NCAPG2: variants seen among roughly 807,000 people sequenced by gnomAD.
NCAPG2 encodes non-SMC condensin II complex subunit G2.
Under a neutral mutation model 141.1 loss-of-function variants are expected in NCAPG2, and 53 were observed. That is an observed-to-expected ratio of 0.38 (90% confidence interval 0.30 to 0.47). NCAPG2 has a LOEUF of 0.47. Ranked by LOEUF, NCAPG2 falls within the 20% of genes least tolerant of loss-of-function variation. The pLI, the probability that NCAPG2 is intolerant of heterozygous loss-of-function variation, is 0.99. For synonymous variants in NCAPG2, 499 were observed against 490.7 expected, an observed-to-expected ratio of 1.02 and a Z score of -0.22; for missense variants, 1,087 against 1,389.0, an observed-to-expected ratio of 0.78 and a Z score of 3.46.
At chr7:158,651,043 TA>T in intron 23 of NCAPG2, 71 bp from the exon 24 acceptor site, 1 of 1,437,762 alleles carries the variant, frequency 7.0e-7, no homozygotes, top group Non-Finnish European at 9.3e-7. Flanking sequence ...AAAAACACTT[TA>T]AAATAAGTAT....
chr7:158,675,720 T>A, intron 11 of NCAPG2, 64 bp from the exon 12 acceptor site: 1 of 1,517,932 alleles, frequency 6.6e-7, no homozygotes, highest in Non-Finnish European at 9.0e-7. Flanking sequence ...CACATCTGCT[T>A]CACACGTGAG....
At position 158,664,183 on chromosome 7, in the gene NCAPG2, C is replaced by T; in HGVS notation, c.1815+1G>A. 6.3e-7 allele frequency: 1 copy of T among 1,599,594 alleles called. No homozygotes were observed. Among genetic ancestry groups the T allele is most frequent in the East Asian group, 2.2e-5 (1 of 44,804 alleles). On this transcript the variant is annotated splice_donor_variant, in intron 15 of 27. Coordinates refer to ENST00000356309, the MANE Select transcript of NCAPG2 (RefSeq NM_017760.7). LOFTEE classifies it high-confidence loss of function. ...GCCCGGCCTGGCCCTGTTCTACTCACAGTCACATTCTCCTTCTCCCTTCCG... is the reference window on the plus strand; with the variant it reads ...GCCCGGCCTGGCCCTGTTCTACTCATAGTCACATTCTCCTTCTCCCTTCCG...
At chr7:158,702,231 C>G in intron 1 of NCAPG2, 1 of 210,562 alleles carries the variant, frequency 4.7e-6, no homozygotes, top group Non-Finnish European at 9.4e-6. Flanking sequence ...TCACCACCAT[C>G]TCTCCCTTTT....
At chr7:158,666,473 A>T (rs946068705) in intron 13 of NCAPG2, among the ~76,000 whole-genome samples, 1 of 152,000 alleles carries the variant, frequency 6.6e-6, no homozygotes, top group African/African-American at 2.4e-5. Context: ...AACCACCCCC[A>T]GCATAGATAT....
intron 2 of NCAPG2, among the ~76,000 whole-genome samples, chr7:158,695,312 TCA>T (rs1835379303): frequency 6.6e-6 from 1 of 152,220 alleles, no homozygotes; most frequent in Admixed American, 6.5e-5. Flanking sequence ...CTGAGTAAGT[TCA>T]CAGTCTAGGG....
intron 27 of NCAPG2, chr7:158,640,378 C>T (rs923688394): frequency 1.3e-5 from 2 of 151,972 alleles, no homozygotes; most frequent in African/African-American, 4.8e-5. Context: ...TCCACTAATA[C>T]AAAAATGAGC....
chr7:158,661,401 A>T (rs776764086), intron 16 of NCAPG2, among the ~76,000 whole-genome samples: 39 of 152,216 alleles, frequency 2.6e-4, no homozygotes, highest in Non-Finnish European at 5.4e-4. Context: ...TTCAGAAGTA[A>T]AAAGTCAAGG....
intron 25 of NCAPG2, among the ~76,000 whole-genome samples, chr7:158,646,219 A>G (rs1032496397): frequency 6.6e-6 from 1 of 152,272 alleles, no homozygotes; most frequent in Non-Finnish European, 1.5e-5. Flanking sequence ...TATGAGAAGC[A>G]TAACTAACCA....
chr7:158,635,187 C>T (rs1830103399), intron 27 of NCAPG2, among the ~76,000 whole-genome samples: 1 of 152,040 alleles, frequency 6.6e-6, no homozygotes, highest in Admixed American at 6.5e-5. Flanking sequence ...ATTATCCACA[C>T]CAATTTCATT....
Position 158,633,064 on chromosome 7 carries a change from A to AT in NCAPG2, c.3381-1348dup, listed in dbSNP as rs996960284. On this transcript the variant is annotated intron_variant, in intron 27 of 27. Coordinates refer to ENST00000356309, the MANE Select transcript of NCAPG2 (RefSeq NM_017760.7). This position sits in a 1 kb window ranked among gnomAD's most constrained non-coding sequence, Gnocchi z 4.1. ...TCTTATCCATAATTATTTAGCTGTG[A>AT]TTTTTTTTTTCCATCAATCCAGAAT... 1.3e-4 allele frequency among the ~76,000 whole-genome samples: 20 copies of AT among 150,276 alleles called. No individual in the cohort carries two copies. Among genetic ancestry groups the AT allele is most frequent in the Admixed American group, 4.0e-4 (6 of 15,028 alleles).
intron 22 of NCAPG2, among the ~76,000 whole-genome samples, chr7:158,653,170 G>C (rs1179492911): frequency 6.6e-6 from 1 of 151,894 alleles, no homozygotes; most frequent in Non-Finnish European, 1.5e-5. Flanking sequence ...AGACCAGCCT[G>C]GCCAAGACAG....
intron 25 of NCAPG2, among the ~76,000 whole-genome samples, chr7:158,646,115 T>C (rs1212087520): frequency 6.6e-6 from 1 of 152,200 alleles, no homozygotes; most frequent in Non-Finnish European, 1.5e-5. Flanking sequence ...ATGGCACCGG[T>C]ATTTAACCTT....
At chr7:158,672,280 GTGTGTGTGTGTGTATATATA>G (rs1317975066) in intron 12 of NCAPG2, among the ~76,000 whole-genome samples, 634 of 50,500 alleles carry the variant, frequency 0.013, 14 homozygotes, top group South Asian at 0.025. Context: ...CCAAACACAT[GTGTGTGTGTGTGTATATATA>G]TATATATATA....
chr7:158,637,011 G>C (rs1264224176), intron 27 of NCAPG2, among the ~76,000 whole-genome samples: 1 of 150,940 alleles, frequency 6.6e-6, no homozygotes, highest in Non-Finnish European at 1.5e-5. Context: ...GCAGTGGTGT[G>C]ATCTTGGCTC....
At chr7:158,659,971 G>A (rs554870759) in intron 16 of NCAPG2, among the ~76,000 whole-genome samples, 17 of 152,170 alleles carry the variant, frequency 1.1e-4, no homozygotes, top group South Asian at 2.1e-4. Context: ...TATTAGCCAC[G>A]AATGGTGGCA....
intron 1 of NCAPG2, among the ~76,000 whole-genome samples, chr7:158,702,506 G>A (rs1476138027): frequency 2.0e-5 from 3 of 152,308 alleles, no homozygotes; most frequent in Non-Finnish European, 4.4e-5. Context: ...TGAGAGCTCA[G>A]GGGACTTTGT....
intron 27 of NCAPG2, among the ~76,000 whole-genome samples, chr7:158,638,073 G>A (rs1830410442): frequency 6.6e-6 from 1 of 152,070 alleles, no homozygotes; most frequent in Non-Finnish European, 1.5e-5. Flanking sequence ...GAACCTGGGA[G>A]GCAAAGGTTG....
At chr7:158,639,112 AT>A (rs879522969) in intron 27 of NCAPG2, among the ~76,000 whole-genome samples, 145 of 146,028 alleles carry the variant, frequency 9.9e-4, no homozygotes, top group East Asian at 3.2e-3. Context: ...TGGTGACTGA[AT>A]TTTTTTTTTT....
rs1833066794 is a variant in NCAPG2 at position 158,667,309 on chromosome 7, AGC to A, written c.1480-2561_1480-2560del. The A allele has an allele frequency of 5.1e-5, 20 of 393,730 alleles. 2 individuals carry two copies. Among genetic ancestry groups the A allele is most frequent in the Admixed American group, 1.4e-4 (1 of 7,084 alleles). The allele number at this position is 393,730 out of a possible 1,614,324, so 24.4% of individuals were successfully genotyped here. A position where few individuals can be genotyped will look rare whatever the true frequency, so the allele number is the denominator to read the frequency against. On this transcript the variant is annotated intron_variant, in intron 13 of 27. Coordinates refer to ENST00000356309, the MANE Select transcript of NCAPG2 (RefSeq NM_017760.7). Reference sequence around the variant, plus strand: ...GACCCTGTGTCCCTCCTCCACCCTTAGCCGCTACTGTGTCCCTCCGCTACTGT... The same window carrying A: ...GACCCTGTGTCCCTCCTCCACCCTTACGCTACTGTGTCCCTCCGCTACTGT...
Sources: gnomAD v4.1 joint callset for allele counts (sites outside exome capture counted in the v4.1 genomes callset) on GRCh38, gnomAD v4.1.1 for gene constraint, Gnocchi (gnomAD v3.1) non-coding constraint, MANE v1.5 for transcripts, NCBI Gene and HGNC (gene_info 2026-07-23, HGNC 2026-07-21) for gene names.